PLXNB2: variants seen among roughly 807,000 people sequenced by gnomAD.
PLXNB2 encodes plexin-B2.
A neutral mutation model predicts 202.6 loss-of-function variants in PLXNB2; 85 were observed. That is an observed-to-expected ratio of 0.42 (90% CI 0.35 to 0.50). The LOEUF is 0.50. PLXNB2 is among the 20% of genes least tolerant of loss of function. PLXNB2 has a pLI of 0.02. For synonymous variants in PLXNB2, 1,239 were observed against 1,137.6 expected, an observed-to-expected ratio of 1.09 and a Z score of -1.79; for missense variants, 2,063 against 2,586.2, an observed-to-expected ratio of 0.80 and a Z score of 4.39.
Position 50,283,195 on chromosome 22 carries a change from G to C in PLXNB2, c.2680-9C>G, listed in dbSNP as rs1478577723. 2 of 1,598,660 alleles carry C rather than the reference G, an allele frequency of 1.3e-6. No individual in the cohort carries two copies. The highest frequency in any genetic ancestry group is 8.5e-7 in the Non-Finnish European group (1 of 1,173,712). On this transcript the variant is annotated splice_polypyrimidine_tract_variant and intron_variant, in intron 16 of 36. Coordinates refer to ENST00000359337, the MANE Select transcript of PLXNB2 (RefSeq NM_012401.4). ...CTGAGAGGCTTGGGCTGCTGAAAGA[G>C]CCGCAGGGGCACTCGGGTGAGGACG...
chr22:50,279,075 C>A (rs1017096877), intron 27 of PLXNB2, 64 bp from the exon 28 acceptor site: 1 of 1,466,996 alleles, frequency 6.8e-7, no homozygotes, highest in South Asian at 1.3e-5. Context: ...CATGCAGGAG[C>A]CACTCCCTGC....
At chr22:50,280,713 T>TGGGCG in intron 24 of PLXNB2, 31 bp downstream of exon 24, 1 of 1,558,808 alleles carries the variant, frequency 6.4e-7, no homozygotes, top group Non-Finnish European at 8.7e-7. Flanking sequence ...GCCACCTGTG[T>TGGGCG]GCCCTCCCGC....
chr22:50,279,976 A>G (rs2065875564), intron 26 of PLXNB2, 29 bp downstream of exon 26: 10 of 1,558,200 alleles, frequency 6.4e-6, no homozygotes, highest in Non-Finnish European at 8.8e-6. Flanking sequence ...TCATCCCTCA[A>G]GCCCCAGCCA....
At chr22:50,281,272 C>T (rs2065967580) in intron 22 of PLXNB2, 83 bp from the exon 23 acceptor site, 2 of 1,576,630 alleles carry the variant, frequency 1.3e-6, no homozygotes, top group East Asian at 2.3e-5. Context: ...TACACGCCTG[C>T]CTGTGCAGGG....
At position 50,282,168 on chromosome 22, in the gene PLXNB2, C is replaced by A. The variant is rs760095305; in HGVS notation, c.3117+16G>T. ...CCATGGGCCGGTGCCAGAGCTGAGC[C>A]CACGCCAGGACTGACCGTCATGGGC... On this transcript the variant is annotated intron_variant, in intron 19 of 36. Coordinates refer to ENST00000359337, the MANE Select transcript of PLXNB2 (RefSeq NM_012401.4). 8 of 1,605,672 alleles carry A rather than the reference C, an allele frequency of 5.0e-6. No individual in the cohort carries two copies. Among genetic ancestry groups the A allele is most frequent in the Admixed American group, 1.7e-5 (1 of 59,668 alleles).
rs1378336924 is a variant in PLXNB2, at chr22:50,284,833, G to A, written c.2089-168C>T. The A allele has an allele frequency of 1.3e-6, 1 of 749,578 alleles. No individual in the cohort carries two copies. Among genetic ancestry groups the A allele is most frequent in the South Asian group, 1.4e-5 (1 of 71,794 alleles). The allele number at this position is 749,578 out of a possible 1,614,324, so 46.4% of individuals were successfully genotyped here. A position where few individuals can be genotyped will look rare whatever the true frequency, so the allele number is the denominator to read the frequency against. ...GCCAGCTGACCCCTCGGCCACTCCT[G>A]AGCCCAAACACCTGTGTCTGCAGAA... On this transcript the variant is annotated intron_variant, in intron 11 of 36. Coordinates refer to ENST00000359337, the MANE Select transcript of PLXNB2 (RefSeq NM_012401.4). The surrounding 1 kb of genome is among the most constrained non-coding windows in gnomAD (Gnocchi z 8.0).
chr22:50,280,977 G>T lies in PLXNB2; in HGVS notation c.3764-4C>A, dbSNP rs756096466. ...TCCTCCATCTCGATCATCAGGTCTG[G>T]GGGGAGGCTGGCGTGAGACGTCCCT... is the stretch of plus-strand genomic sequence containing the variant. On this transcript the variant is annotated splice_polypyrimidine_tract_variant and splice_region_variant and intron_variant, in intron 23 of 36. Coordinates refer to ENST00000359337, the MANE Select transcript of PLXNB2 (RefSeq NM_012401.4). 7 of 1,612,208 alleles carry T rather than the reference G, an allele frequency of 4.3e-6. No homozygotes were observed. The highest frequency in any genetic ancestry group is 3.3e-5 in the Admixed American group (2 of 59,970).
intron 1 of PLXNB2, chr22:50,301,504 T>C (rs1475774100): frequency 2.5e-5 from 14 of 560,930 alleles, no homozygotes; most frequent in Non-Finnish European, 3.2e-5. Context: ...TCTCGTGGGA[T>C]TCTGGGGCTC....
At chr22:50,280,352 C>G in intron 25 of PLXNB2, 137 bp downstream of exon 25, 3 of 792,762 alleles carry the variant, frequency 3.8e-6, no homozygotes, top group Non-Finnish European at 5.7e-6. Flanking sequence ...ACCCCTAGAC[C>G]GCCCCCCACC....
chr22:50,285,262 G>A (rs1485392513), intron 11 of PLXNB2, among the ~76,000 whole-genome samples: 1 of 87,414 alleles, frequency 1.1e-5, no homozygotes, highest in Non-Finnish European at 2.3e-5. Context: ...CCCTCCCTCC[G>A]CACCTGAGCC....
chr22:50,281,295 C>T (rs2065970460), intron 22 of PLXNB2, 65 bp downstream of exon 22: 2 of 1,591,288 alleles, frequency 1.3e-6, no homozygotes, highest in Non-Finnish European at 1.7e-6. Flanking sequence ...GCGGATGAGG[C>T]CAGAGGGGCC....
intron 11 of PLXNB2, 128 bp downstream of exon 11, chr22:50,285,672 C>T (rs2066394430): frequency 5.7e-6 from 3 of 526,784 alleles, no homozygotes; most frequent in South Asian, 5.5e-5. Flanking sequence ...CCCCTCCCTC[C>T]GCACCTGAGC....
At position 50,290,306 on chromosome 22, in the gene PLXNB2, A is replaced by T; in HGVS notation, c.279T>A (p.Thr93=). The stretch of plus-strand genomic sequence containing the variant: ...GCAGCAGCAGCTGGTTGACATTGTC[A>T]GTCATCTCAGCCTCATGGCACTGGC... The part of the protein sequence containing the change: ...EASQCHEAEM[T]DNVNQLLLLD... Residue 93 remains threonine (T), a synonymous_variant, in exon 3 of 37, where the codon ACT becomes ACA. Transcript: ENST00000359337. The T allele has an allele frequency of 6.2e-7, 1 of 1,612,096 alleles. No homozygotes were observed. The highest frequency in any genetic ancestry group is 2.2e-5 in the East Asian group (1 of 44,888).
Position 50,288,699 on chromosome 22 carries a change from G to A in PLXNB2, c.1380+44C>T, listed in dbSNP as rs760059689. ...TAAGGGCCTGGGATGCAATGACCGG[G>A]CACACTTGGCCTAGAGTGCTCTCCG... On this transcript the variant is annotated intron_variant, in intron 5 of 36. Coordinates refer to ENST00000359337, the MANE Select transcript of PLXNB2 (RefSeq NM_012401.4). This position sits in a 1 kb window ranked among gnomAD's most constrained non-coding sequence, Gnocchi z 5.0. The A allele has an allele frequency of 1.2e-6, 2 of 1,606,766 alleles. No individual in the cohort carries two copies. Among genetic ancestry groups the A allele is most frequent in the South Asian group, 1.1e-5 (1 of 90,396 alleles).
At position 50,284,550 on chromosome 22, in the gene PLXNB2, G is replaced by A; in HGVS notation, c.2181+23C>T. On this transcript the variant is annotated intron_variant, in intron 12 of 36. Transcript: ENST00000359337. The surrounding 1 kb of genome is among the most constrained non-coding windows in gnomAD (Gnocchi z 8.0). ...CGGGGCCCTGGGGTCCAGCAGCCGA[G>A]CCGGCCTGCCCTGGAGCCGTACCTT... The A allele has an allele frequency of 6.3e-7, 1 of 1,577,306 alleles. No individual in the cohort carries two copies. Among genetic ancestry groups the A allele is most frequent in the Non-Finnish European group, 8.7e-7 (1 of 1,154,076 alleles).
At chr22:50,287,864 C>A (rs1269924899) in intron 6 of PLXNB2, 71 bp from the exon 7 acceptor site, 36 of 1,590,432 alleles carry the variant, frequency 2.3e-5, no homozygotes, top group Non-Finnish European at 2.9e-5. Flanking sequence ...GTGCGATGTG[C>A]CCCCCGACCC....
Position 50,285,201 on chromosome 22 carries a change from AACC to A in PLXNB2, c.2089-539_2089-537del, listed in dbSNP as rs1569167193. Among the ~76,000 whole-genome samples the A allele has an allele frequency of 5.5e-3, 633 of 115,780 alleles. 34 individuals carry two copies. Among genetic ancestry groups the A allele is most frequent in the Middle Eastern group, 0.012 (2 of 168 alleles). The allele number at this position is 115,780 out of a possible 152,430, so 76.0% of individuals were successfully genotyped here. A position where few individuals can be genotyped will look rare whatever the true frequency, so the allele number is the denominator to read the frequency against. The stretch of plus-strand genomic sequence containing the variant: ...TCCGTACCTTAGCCTGCCTGTCACC[AACC>A]GGCACCCCCTCCCTCCGCACCTGAG... On this transcript the variant is annotated intron_variant, in intron 11 of 36. Transcript: ENST00000359337.
intron 25 of PLXNB2, 82 bp from the exon 26 acceptor site, chr22:50,280,153 C>G (rs1258044274): frequency 2.5e-6 from 3 of 1,190,638 alleles, no homozygotes; most frequent in East Asian, 2.4e-5. Context: ...ACCCGGCCAC[C>G]CTTGCGCCAG....
At position 50,281,559 on chromosome 22, in the gene PLXNB2, C is replaced by A. The variant is rs762483419; in HGVS notation, c.3522+7G>T. 1 of 1,610,482 alleles carries A rather than the reference C, an allele frequency of 6.2e-7. No homozygotes were observed. Among genetic ancestry groups the A allele is most frequent in the Non-Finnish European group, 8.5e-7 (1 of 1,178,522 alleles). On this transcript the variant is annotated splice_region_variant and intron_variant, in intron 21 of 36. Transcript: ENST00000359337. ...GGGGCACCCCCCGCCAGTCCCCGCT[C>A]ACGCACAATGAACTCGGGCAGGTTG...
Sources: gnomAD v4.1 joint callset for allele counts (sites outside exome capture counted in the v4.1 genomes callset) on GRCh38, gnomAD v4.1.1 for gene constraint, Gnocchi (gnomAD v3.1) non-coding constraint, MANE v1.5 for transcripts, NCBI Gene and HGNC (gene_info 2026-07-23, HGNC 2026-07-21) for gene names.